Variants in THSD4 observed in about 807,000 individuals in gnomAD.
THSD4 encodes thrombospondin type-1 domain-containing protein 4.
Under a neutral mutation model 119.0 loss-of-function variants are expected in THSD4, and 69 were observed. That is an observed-to-expected ratio of 0.58 (90% CI 0.48 to 0.71). The LOEUF (loss-of-function observed/expected upper bound fraction) is 0.71, where lower values mean the gene tolerates loss of function less well. Among genes scored for constraint, THSD4 ranks in the 30% least tolerant of loss-of-function variants. The probability of loss-of-function intolerance (pLI) is 0.00; values close to 1 mark genes in which losing one functional copy is unlikely to be tolerated. For synonymous variants in THSD4, 524 were observed against 540.4 expected (o/e 0.97, Z 0.42); for missense variants, 1,393 against 1,391.1 (o/e 1.00, Z -0.02).
intron 7 of THSD4, among the ~76,000 whole-genome samples, chr15:71,566,168 T>G (rs2049234535): frequency 7.2e-6 from 1 of 138,630 alleles, no homozygotes; most frequent in South Asian, 2.3e-4. Context: ...TTTTTTTTTT[T>G]TGCTGAAATT....
chr15:71,215,265 G>T lies in THSD4; in HGVS notation c.330G>T (p.Thr110=). 1 of 1,507,182 alleles carries T rather than the reference G, an allele frequency of 6.6e-7. No individual in the cohort carries two copies. The highest frequency in any genetic ancestry group is 2.1e-5 in the Admixed American group (1 of 48,710). 93.4% of individuals were successfully genotyped at this position (1,507,182 alleles called of 1,614,324 possible). Residue 110 remains threonine (T), a synonymous_variant, in exon 4 of 18, where the codon ACG becomes ACT. Coordinates refer to ENST00000261862, the MANE Select transcript of THSD4 (RefSeq NM_024817.3). ...ACCACGTGGTGTCGGCGGTGCGCAC[G>T]TCGGTGCCACTGCACCGGAGCCGCG... ...FADHVVSAVR[T]SVPLHRSRDE...
At chr15:71,722,962 A>G (rs1244378463) in intron 8 of THSD4, among the ~76,000 whole-genome samples, 1 of 152,162 alleles carries the variant, frequency 6.6e-6, no homozygotes, top group African/African-American at 2.4e-5. Context: ...TTCCATACCC[A>G]CACACACCGA....
intron 4 of THSD4, among the ~76,000 whole-genome samples, chr15:71,216,418 G>A (rs2043933217): frequency 6.6e-6 from 1 of 152,244 alleles, no homozygotes; most frequent in Non-Finnish European, 1.5e-5. Flanking sequence ...TCTTAGCTCA[G>A]TGATGGAAGC....
intron 7 of THSD4, among the ~76,000 whole-genome samples, chr15:71,482,295 C>CTTTT (rs33948399): frequency 0.73 from 103,960 of 143,268 alleles, 38,223 homozygotes; most frequent in Admixed American, 0.76. Context: ...TGTACTGTAA[C>CTTTT]TTTTTTTTTT....
In THSD4 at chr15:71,777,363, G is replaced by A. The variant is rs200971516; in HGVS notation, c.3046G>A (p.Gly1016Arg). The A allele has an allele frequency of 8.3e-5, 134 of 1,613,782 alleles. No homozygotes were observed. In the African/African-American group the frequency reaches 1.7e-3, roughly 20 times the overall value. ...GGCCAACAGGCAGACGGGCTTCCTG[G>A]GGAGCAGATAACACTCCTGCACCCC... Reference protein sequence around the residue: ...RVANRQTGFLGSR With the variant: ...RVANRQTGFLRSR Residue 1016 changes from glycine (G) to arginine (R), a missense_variant, in exon 18 of 18, where the codon GGG becomes AGG. Gly to Arg is a moderately radical substitution (Grantham distance 125). Transcript: ENST00000261862.
At chr15:71,770,995 T>G in intron 16 of THSD4, 69 bp from the exon 17 acceptor site, 2 of 1,559,422 alleles carry the variant, frequency 1.3e-6, no homozygotes, top group Non-Finnish European at 1.7e-6. Context: ...TTCCAGTGTC[T>G]TCTTTCTCCA....
intron 9 of THSD4, chr15:71,728,983 C>T (rs2052921036): frequency 4.1e-6 from 2 of 493,196 alleles, no homozygotes; most frequent in South Asian, 2.5e-5. Context: ...ACCAATTTTA[C>T]TTGTTGAACC....
At chr15:71,329,549 T>C (rs1212798411) in intron 6 of THSD4, among the ~76,000 whole-genome samples, 1 of 152,196 alleles carries the variant, frequency 6.6e-6, no homozygotes. Context: ...CGAATGTCTG[T>C]TGAGTGGAAA....
At chr15:71,711,457 A>G (rs1167355816) in intron 8 of THSD4, among the ~76,000 whole-genome samples, 1 of 152,172 alleles carries the variant, frequency 6.6e-6, no homozygotes, top group Non-Finnish European at 1.5e-5. Flanking sequence ...AGATATGACC[A>G]ACATGCAAAT....
intron 7 of THSD4, among the ~76,000 whole-genome samples, chr15:71,472,026 C>T (rs576049704): frequency 6.6e-6 from 1 of 152,240 alleles, no homozygotes; most frequent in African/African-American, 2.4e-5. Flanking sequence ...ACAATCCCTC[C>T]ACCTTAGCCT....
chr15:71,587,787 T>TAAAAAAAAAAAAAAAAAAAAA (rs1207231444), intron 7 of THSD4, among the ~76,000 whole-genome samples: 6 of 105,556 alleles, frequency 5.7e-5, no homozygotes, highest in South Asian at 3.2e-4. Context: ...AAAAAAAAAT[T>TAAAAAAAAAAAAAAAAAAAAA]AAAAAAAAAA....
intron 7 of THSD4, among the ~76,000 whole-genome samples, chr15:71,490,107 G>T (rs1467575406): frequency 1.3e-5 from 2 of 151,802 alleles, no homozygotes; most frequent in Admixed American, 6.6e-5. Context: ...TTTCCATATT[G>T]CTAGGCATTC....
intron 7 of THSD4, among the ~76,000 whole-genome samples, chr15:71,466,646 G>T (rs1364261845): frequency 6.6e-6 from 1 of 152,194 alleles, no homozygotes; most frequent in South Asian, 2.1e-4. Context: ...ATCACCTTTT[G>T]CCCAGATTGT....
chr15:71,675,399 G>A (rs967475017), intron 8 of THSD4, among the ~76,000 whole-genome samples: 8 of 152,202 alleles, frequency 5.3e-5, no homozygotes, highest in Non-Finnish European at 1.0e-4. Context: ...TCTTCCCGGT[G>A]AGGCCGTGCA....
chr15:71,727,894 C>T (rs190368300), intron 8 of THSD4, among the ~76,000 whole-genome samples: 127 of 151,596 alleles, frequency 8.4e-4, no homozygotes, highest in South Asian at 1.7e-3. Context: ...GAGACTTAAC[C>T]TCAGTGTTGG....
chr15:71,543,088 A>G (rs2048784820), intron 7 of THSD4, among the ~76,000 whole-genome samples: 1 of 152,118 alleles, frequency 6.6e-6, no homozygotes, highest in African/African-American at 2.4e-5. Context: ...TTTGGAGAAA[A>G]ACTGGGGAAA....
At chr15:71,390,476 T>A (rs1176369215) in intron 6 of THSD4, among the ~76,000 whole-genome samples, 1 of 152,168 alleles carries the variant, frequency 6.6e-6, no homozygotes, top group Non-Finnish European at 1.5e-5. Context: ...AAGTTTGACT[T>A]TCCTTTACAT....
intron 7 of THSD4, among the ~76,000 whole-genome samples, chr15:71,426,134 C>T (rs1001157753): frequency 3.9e-5 from 6 of 152,206 alleles, no homozygotes; most frequent in South Asian, 2.1e-4. Flanking sequence ...CACTGTAGGG[C>T]GTTTCCTGCG....
At chr15:71,695,501 C>CGTGT (rs370049077) in intron 8 of THSD4, among the ~76,000 whole-genome samples, 135 of 115,394 alleles carry the variant, frequency 1.2e-3, no homozygotes, top group African/African-American at 4.8e-3. Flanking sequence ...TGTGTGTGTG[C>CGTGT]ATGTGTGTGT....
Sources: gnomAD v4.1 joint callset for allele counts (sites outside exome capture counted in the v4.1 genomes callset) on GRCh38, gnomAD v4.1.1 for gene constraint, MANE v1.5 for transcripts, NCBI Gene and HGNC (gene_info 2026-07-23, HGNC 2026-07-21) for gene names.